The following FAM171A1 variants were observed in gnomAD, a reference collection of about 807,000 sequenced individuals.
FAM171A1 encodes protein FAM171A1.
FAM171A1 carries 23 observed loss-of-function variants against 74.9 expected under a neutral mutation model. The ratio of observed to expected loss-of-function variants is 0.31; its 90% CI spans 0.22 to 0.44. The LOEUF (loss-of-function observed/expected upper bound fraction) is 0.44, where lower values mean the gene tolerates loss of function less well. Among genes scored for constraint, FAM171A1 ranks in the 20% least tolerant of loss-of-function variants. FAM171A1 has a pLI of 1.00. For missense variants in FAM171A1, 1,162 were observed against 1,159.2 expected (o/e 1.00, Z -0.03); for synonymous variants, 527 against 505.7 (o/e 1.04, Z -0.57).
At chr10:15,307,100 C>T (rs1835304938) in intron 1 of FAM171A1, among the ~76,000 whole-genome samples, 1 of 152,138 alleles carries the variant, frequency 6.6e-6, no homozygotes, top group South Asian at 2.1e-4. Flanking sequence ...TATGTGCTGA[C>T]CCAGGAGCAT....
rs568380010 is a variant in FAM171A1 at position 15,323,099 on chromosome 10, C to T, written c.98-38994G>A. On this transcript the variant is annotated intron_variant, in intron 1 of 7. Transcript: ENST00000378116. ...AGGTTGTGGTGGGCTGACATCACAC[C>T]GCTGCACTCCAGTCTGGGCAACAGA... Among the ~76,000 whole-genome samples the T allele has an allele frequency of 9.3e-5, 14 of 150,354 alleles. No individual in the cohort carries two copies. In the South Asian group the frequency reaches 1.0e-3, roughly 11 times the overall value.
At chr10:15,339,343 C>T (rs960798938) in intron 1 of FAM171A1, among the ~76,000 whole-genome samples, 2 of 152,106 alleles carry the variant, frequency 1.3e-5, no homozygotes, top group Non-Finnish European at 2.9e-5. Flanking sequence ...ATTTTCTGTT[C>T]CAGGGTCCTT....
At chr10:15,260,172 C>G (rs1364285967) in intron 3 of FAM171A1, among the ~76,000 whole-genome samples, 1 of 152,104 alleles carries the variant, frequency 6.6e-6, no homozygotes, top group Non-Finnish European at 1.5e-5. Flanking sequence ...GAAACTTCTT[C>G]CCCTCATCCT....
chr10:15,369,759 G>A (rs1836111796), intron 1 of FAM171A1, among the ~76,000 whole-genome samples: 2 of 152,212 alleles, frequency 1.3e-5, no homozygotes, highest in African/African-American at 4.8e-5. Flanking sequence ...GAGCATGTTA[G>A]CCGAGGAAAG....
intron 1 of FAM171A1, among the ~76,000 whole-genome samples, chr10:15,321,871 A>T (rs1314953958): frequency 6.6e-6 from 1 of 152,232 alleles, no homozygotes; most frequent in Non-Finnish European, 1.5e-5. Flanking sequence ...CCAACTCTTT[A>T]GTTAAGCAAG....
intron 1 of FAM171A1, among the ~76,000 whole-genome samples, chr10:15,351,690 T>A (rs1429463103): frequency 6.6e-6 from 1 of 151,670 alleles, no homozygotes. Flanking sequence ...GACGGATGGA[T>A]GGGTGGATGG....
chr10:15,370,018 G>C (rs1469098305), intron 1 of FAM171A1, among the ~76,000 whole-genome samples: 1 of 152,198 alleles, frequency 6.6e-6, no homozygotes, highest in Non-Finnish European at 1.5e-5. Context: ...GCCAGCAACA[G>C]AGGAGTCCTC....
chr10:15,225,426 G>T (rs1441253356), intron 5 of FAM171A1, among the ~76,000 whole-genome samples: 3 of 152,170 alleles, frequency 2.0e-5, no homozygotes, highest in Admixed American at 1.3e-4. Flanking sequence ...ACACTCTTTG[G>T]GGATTCAACA....
chr10:15,213,889 C>T lies in FAM171A1; in HGVS notation c.1699G>A (p.Asp567Asn), dbSNP rs1833929501. The T allele has an allele frequency of 1.9e-6, 3 of 1,613,944 alleles. No individual in the cohort carries two copies. Among genetic ancestry groups the T allele is most frequent in the Admixed American group, 1.7e-5 (1 of 59,988 alleles). Residue 567 changes from aspartate (D) to asparagine (N), a missense_variant, in exon 8 of 8, where the codon GAC (aspartate) becomes AAC (asparagine). Coordinates refer to ENST00000378116, the MANE Select transcript of FAM171A1 (RefSeq NM_001010924.2). This position sits in a 1 kb window ranked among gnomAD's most constrained non-coding sequence, Gnocchi z 6.8. ...PGQLICCSSV[D>N]QVNDSVYRKV... ...CTGTAAACGCTGTCATTGACCTGGT[C>T]GACAGAACTGCAGCAGATTAACTGG...
chr10:15,262,196 A>G (rs1192929490), intron 3 of FAM171A1, among the ~76,000 whole-genome samples: 1 of 152,176 alleles, frequency 6.6e-6, no homozygotes, highest in Non-Finnish European at 1.5e-5. Flanking sequence ...GAAGTGAAAG[A>G]TTCCGATTTG....
At chr10:15,238,862 T>A (rs956589534) in intron 5 of FAM171A1, among the ~76,000 whole-genome samples, 2 of 152,248 alleles carry the variant, frequency 1.3e-5, no homozygotes, top group African/African-American at 2.4e-5. Context: ...ACTCTTAGAA[T>A]ATGCTTTTAT....
Position 15,371,171 on chromosome 10 carries a change from C to G in FAM171A1, c.-119G>C. ...TCGCTGGCTCCGCGCGCCGGGCCCG[C>G]CGCCCGATTGGCCCGGCCCCGCCGC... On this transcript the variant is annotated 5_prime_UTR_variant, in exon 1 of 8. Coordinates refer to ENST00000378116, the MANE Select transcript of FAM171A1 (RefSeq NM_001010924.2). 4.3e-6 allele frequency: 1 copy of G among 230,082 alleles called. No individual in the cohort carries two copies. The highest frequency in any genetic ancestry group is 7.0e-6 in the Non-Finnish European group (1 of 142,442). 14.3% of individuals were successfully genotyped at this position (230,082 alleles called of 1,614,324 possible). A position where few individuals can be genotyped will look rare whatever the true frequency, so the allele number is the denominator to read the frequency against.
At chr10:15,274,081 A>G (rs528966619) in intron 3 of FAM171A1, among the ~76,000 whole-genome samples, 31 of 152,248 alleles carry the variant, frequency 2.0e-4, no homozygotes, top group African/African-American at 7.0e-4. Flanking sequence ...ATTAGGAAAA[A>G]AGGAAGTCAA....
At chr10:15,328,742 T>C (rs1386015683) in intron 1 of FAM171A1, among the ~76,000 whole-genome samples, 2 of 152,160 alleles carry the variant, frequency 1.3e-5, no homozygotes, top group Non-Finnish European at 2.9e-5. Flanking sequence ...GGCAACCTCA[T>C]GTTCACACAG....
chr10:15,341,577 C>T (rs1260555539), intron 1 of FAM171A1, among the ~76,000 whole-genome samples: 1 of 152,182 alleles, frequency 6.6e-6, no homozygotes, highest in Non-Finnish European at 1.5e-5. Context: ...AGACTTTGCT[C>T]ATGGTAAAAA....
chr10:15,330,710 CTTCTTTTT>C (rs1588557386), intron 1 of FAM171A1, among the ~76,000 whole-genome samples: 1 of 69,514 alleles, frequency 1.4e-5, no homozygotes, highest in Non-Finnish European at 2.9e-5. Context: ...TTTTCTTCTT[CTTCTTTTT>C]TTTTTTTTTT....
At chr10:15,215,921 A>T in intron 7 of FAM171A1, 75 bp downstream of exon 7, 1 of 918,164 alleles carries the variant, frequency 1.1e-6, no homozygotes, top group Non-Finnish European at 1.6e-6. Flanking sequence ...CCACCTCCAT[A>T]TTAATGCTTC....
intron 1 of FAM171A1, among the ~76,000 whole-genome samples, chr10:15,291,064 G>A (rs1186987475): frequency 1.3e-5 from 2 of 152,124 alleles, no homozygotes; most frequent in Admixed American, 1.3e-4. Context: ...TGCCCAGGCT[G>A]GTCTCAGACT....
At chr10:15,284,680 G>A (rs1835014674) in intron 1 of FAM171A1, among the ~76,000 whole-genome samples, 1 of 152,186 alleles carries the variant, frequency 6.6e-6, no homozygotes, top group African/African-American at 2.4e-5. Flanking sequence ...CTCCCAGAGT[G>A]CTGAGGTTAC....
Sources: gnomAD v4.1 joint callset for allele counts (sites outside exome capture counted in the v4.1 genomes callset) on GRCh38, gnomAD v4.1.1 for gene constraint, Gnocchi (gnomAD v3.1) non-coding constraint, MANE v1.5 for transcripts, NCBI Gene and HGNC (gene_info 2026-07-23, HGNC 2026-07-21) for gene names.